The following KCNMB2 variants were observed in gnomAD, a reference collection of about 807,000 sequenced individuals.
The protein encoded by KCNMB2 is potassium calcium-activated channel subfamily M regulatory beta subunit 2, also known as calcium-activated potassium channel subunit beta-2.
KCNMB2 carries 9 observed loss-of-function variants against 24.5 expected under a neutral mutation model. That is an observed-to-expected ratio of 0.37 (90% CI 0.22 to 0.64). The LOEUF is 0.64. Ranked by LOEUF, KCNMB2 falls within the 30% of genes least tolerant of loss-of-function variation. The pLI is 0.63. For missense variants in KCNMB2, 226 were observed against 284.3 expected, an observed-to-expected ratio of 0.79 and a Z score of 1.47; for synonymous variants, 109 against 104.4, an observed-to-expected ratio of 1.04 and a Z score of -0.27.
At chr3:178,591,431 G>A (rs1016489280) in intron 1 of KCNMB2, among the ~76,000 whole-genome samples, 2 of 152,050 alleles carry the variant, frequency 1.3e-5, no homozygotes, top group Non-Finnish European at 2.9e-5. Flanking sequence ...ATGCATAAAC[G>A]AGGAACTCAT....
intron 1 of KCNMB2, among the ~76,000 whole-genome samples, chr3:178,778,462 A>ACGCACGCACGTGCGCGCGCGCG (rs1437410515): frequency 1.1e-3 from 72 of 63,592 alleles, no homozygotes; most frequent in African/African-American, 6.1e-3. Flanking sequence ...TAAGACACAC[A>ACGCACGCACGTGCGCGCGCGCG]CACACACACA....
intron 1 of KCNMB2, among the ~76,000 whole-genome samples, chr3:178,667,302 T>C (rs1482101636): frequency 1.3e-5 from 2 of 152,088 alleles, no homozygotes; most frequent in African/African-American, 4.8e-5. Flanking sequence ...GGGGCCAATG[T>C]GATAGTCAAG....
chr3:178,702,844 T>C (rs893891699), intron 1 of KCNMB2, among the ~76,000 whole-genome samples: 7 of 152,202 alleles, frequency 4.6e-5, no homozygotes, highest in African/African-American at 1.4e-4. Flanking sequence ...CACTGCCTGA[T>C]ACAAAGTGAG....
In KCNMB2 at chr3:178,757,755, GAT is replaced by G. The variant is rs200127036; in HGVS notation, c.-67-49575_-67-49574del. 8.6e-4 allele frequency among the ~76,000 whole-genome samples: 52 copies of G among 60,636 alleles called. 4 individuals are homozygous for G. Among genetic ancestry groups the G allele is most frequent in the East Asian group, 2.7e-3 (6 of 2,200 alleles). The allele number at this position is 60,636 out of a possible 152,430, so 39.8% of individuals were successfully genotyped here. On this transcript the variant is annotated intron_variant, in intron 1 of 4. Transcript: ENST00000452583. The stretch of plus-strand genomic sequence containing the variant: ...CCAAGAGGATATATATATATAAGAG[GAT>G]ATATATATATATCCAAGAGGATATA...
At chr3:178,670,406 T>C (rs968077997) in intron 1 of KCNMB2, among the ~76,000 whole-genome samples, 1 of 133,868 alleles carries the variant, frequency 7.5e-6, no homozygotes, top group African/African-American at 3.3e-5. Context: ...AAAAGAAAAT[T>C]TTAAAACTGG....
chr3:178,602,652 C>G (rs1161549487), intron 1 of KCNMB2, among the ~76,000 whole-genome samples: 2 of 151,960 alleles, frequency 1.3e-5, no homozygotes, highest in Non-Finnish European at 2.9e-5. Flanking sequence ...ATGGGAGCAG[C>G]AGCAGGTACG....
At chr3:178,774,743 C>A (rs551621143) in intron 1 of KCNMB2, among the ~76,000 whole-genome samples, 1 of 152,352 alleles carries the variant, frequency 6.6e-6, no homozygotes, top group East Asian at 1.9e-4. Context: ...AATGACTTCA[C>A]TATCCTTCTT....
chr3:178,566,194 T>C (rs2108470111), intron 1 of KCNMB2, among the ~76,000 whole-genome samples: 1 of 152,348 alleles, frequency 6.6e-6, no homozygotes, highest in Middle Eastern at 3.4e-3. Context: ...TGCTAAGGTC[T>C]ATGGTAGTCT....
At chr3:178,547,388 G>A (rs915346009) in intron 1 of KCNMB2, among the ~76,000 whole-genome samples, 10 of 152,212 alleles carry the variant, frequency 6.6e-5, no homozygotes, top group Non-Finnish European at 7.3e-5. Context: ...GATGTGGATA[G>A]AGAAAGAGAC....
chr3:178,596,930 T>A (rs1717899427), intron 1 of KCNMB2, among the ~76,000 whole-genome samples: 1 of 152,096 alleles, frequency 6.6e-6, no homozygotes, highest in Non-Finnish European at 1.5e-5. Flanking sequence ...TCCAATCCAT[T>A]GTCTGCTTCA....
At chr3:178,713,672 G>A (rs150389005) in intron 1 of KCNMB2, among the ~76,000 whole-genome samples, 1 of 152,080 alleles carries the variant, frequency 6.6e-6, no homozygotes, top group Non-Finnish European at 1.5e-5. Flanking sequence ...CAGAAGGTAT[G>A]GTCTCTGCCC....
intron 1 of KCNMB2, among the ~76,000 whole-genome samples, chr3:178,552,743 TCAAA>T (rs1272492679): frequency 6.6e-6 from 1 of 152,290 alleles, no homozygotes; most frequent in Middle Eastern, 3.4e-3. Context: ...TTATAGGAAT[TCAAA>T]CAATCTATTA....
At chr3:178,814,214 T>C (rs1047148139) in intron 2 of KCNMB2, among the ~76,000 whole-genome samples, 1 of 152,186 alleles carries the variant, frequency 6.6e-6, no homozygotes, top group Admixed American at 6.5e-5. Flanking sequence ...CATGTACCCA[T>C]TGTTTAACTC....
intron 1 of KCNMB2, among the ~76,000 whole-genome samples, chr3:178,538,222 G>A (rs370643126): frequency 2.4e-4 from 36 of 152,234 alleles, no homozygotes; most frequent in Non-Finnish European, 4.1e-4. Context: ...GAACTCTCTT[G>A]GCTGGTCTTT....
intron 1 of KCNMB2, among the ~76,000 whole-genome samples, chr3:178,717,623 T>G (rs1308037151): frequency 6.6e-6 from 1 of 152,196 alleles, no homozygotes; most frequent in Non-Finnish European, 1.5e-5. Flanking sequence ...TTGAAATAGC[T>G]TCAGGGAGGC....
intron 1 of KCNMB2, among the ~76,000 whole-genome samples, chr3:178,545,788 A>G (rs1360502507): frequency 6.6e-6 from 1 of 152,184 alleles, no homozygotes; most frequent in African/African-American, 2.4e-5. Context: ...TTCCTACTAT[A>G]TTTCAAATGA....
chr3:178,665,514 ATATATT>A (rs1218134967), intron 1 of KCNMB2, among the ~76,000 whole-genome samples: 14 of 152,176 alleles, frequency 9.2e-5, no homozygotes, highest in Non-Finnish European at 1.5e-4. Flanking sequence ...TCAAAACCAC[ATATATT>A]TATAACTGCT....
intron 1 of KCNMB2, among the ~76,000 whole-genome samples, chr3:178,615,025 A>T (rs935282866): frequency 7.2e-5 from 11 of 152,208 alleles, no homozygotes; most frequent in African/African-American, 2.7e-4. Context: ...GACTCATAGA[A>T]GTGCTGCCTT....
At position 178,759,419 on chromosome 3, in the gene KCNMB2, ATATC is replaced by A. The variant is rs1180546228; in HGVS notation, c.-67-47922_-67-47919del. Among the ~76,000 whole-genome samples the A allele has an allele frequency of 3.1e-3, 68 of 21,890 alleles. 15 individuals are homozygous for A. The African/African-American group carries it at 0.057, about 18-fold the overall frequency. The allele number at this position is 21,890 out of a possible 152,430, so 14.4% of individuals were successfully genotyped here. On this transcript the variant is annotated intron_variant, in intron 1 of 4. Transcript: ENST00000452583. ...TCCAAGAGGATATATATATATATAT[ATATC>A]TCTCCAAGAGGATATATATATATAT...
Sources: gnomAD v4.1 joint callset for allele counts (sites outside exome capture counted in the v4.1 genomes callset) on GRCh38, gnomAD v4.1.1 for gene constraint, MANE v1.5 for transcripts, NCBI Gene and HGNC (gene_info 2026-07-23, HGNC 2026-07-21) for gene names.